The following LRRC74B variants were observed in gnomAD, a reference collection of about 807,000 sequenced individuals.
The protein encoded by LRRC74B is leucine rich repeat containing 74B, also known as leucine-rich repeat-containing protein 74B.
Under a neutral mutation model 16.6 loss-of-function variants are expected in LRRC74B, and 30 were observed. That is an observed-to-expected ratio of 1.80 (90% CI 1.35 to 2.45). The LOEUF is 2.45. LRRC74B is among the 30% of genes most tolerant of loss of function. The probability of loss-of-function intolerance (pLI) is 0.00; values close to 1 mark genes in which losing one functional copy is unlikely to be tolerated. For synonymous variants in LRRC74B, 134 were observed against 86.0 expected (o/e 1.56, Z -3.09); for missense variants, 326 against 202.4 (o/e 1.61, Z -3.71).
In LRRC74B at chr22:21,055,567, C is replaced by T. The variant is rs143917779; in HGVS notation, c.927+391C>T. ...GGTGTTCCCAGCTGGGGTTCCTTCC[C>T]CTGGGTTTGCAGGTGGGGAGGGAGT... is the stretch of plus-strand genomic sequence containing the variant. On this transcript the variant is annotated intron_variant, in intron 7 of 8. Coordinates refer to ENST00000442047, the Ensembl canonical transcript of LRRC74B. Among the ~76,000 whole-genome samples, 29 of 152,298 alleles carry T rather than the reference C, an allele frequency of 1.9e-4. No individual in the cohort carries two copies. In the East Asian group the frequency reaches 5.6e-3, roughly 29 times the overall value.
At chr22:21,057,167 T>C in exon 8 of LRRC74B, 1 of 717,402 alleles carries the variant, frequency 1.4e-6, no homozygotes, top group Non-Finnish European at 2.6e-6. Context: ...TCCAGGACAA[T>C]CCAGCCTCTG....
intron 8 of LRRC74B, 23 bp downstream of exon 8, chr22:21,057,223 G>A (rs961773477): frequency 9.8e-6 from 7 of 716,164 alleles, no homozygotes; most frequent in East Asian, 8.1e-5. Flanking sequence ...TATAAACCTC[G>A]TTTCTGATCC....
exon 2 of LRRC74B, chr22:21,047,361 G>A (rs761738457): frequency 9.8e-6 from 7 of 717,296 alleles, no homozygotes; most frequent in Non-Finnish European, 1.6e-5. Context: ...GCCAGGCACC[G>A]ATGGGCTTGG....
exon 9 of LRRC74B, chr22:21,060,495 C>T (rs1930759608): frequency 1.4e-6 from 1 of 715,448 alleles, no homozygotes; most frequent in African/African-American, 1.7e-5. Context: ...TGCCAGTCTT[C>T]AGATCAGCCC....
rs400102 is a variant in LRRC74B at position 21,048,938 on chromosome 22, T to C, written c.416-13T>C. The C allele has an allele frequency of 6.5e-4, 466 of 715,638 alleles. 1 individual carries two copies. In the African/African-American group the frequency reaches 6.7e-3, roughly 10 times the overall value. The allele number at this position is 715,638 out of a possible 1,614,324, so 44.3% of individuals were successfully genotyped here. On this transcript the variant is annotated splice_polypyrimidine_tract_variant and intron_variant, in intron 3 of 8. Coordinates refer to ENST00000442047, the Ensembl canonical transcript of LRRC74B. ...TTGCATCCCACTGGCCGAGGAGTGG[T>C]TCTGTCCCCCAGATGTGGACCTGTC...
chr22:21,050,661 C>T (rs2148144349), intron 4 of LRRC74B, among the ~76,000 whole-genome samples: 1 of 151,716 alleles, frequency 6.6e-6, no homozygotes, highest in East Asian at 2.0e-4. Context: ...GCCTGTAGTC[C>T]CAGCTACATG....
chr22:21,057,359 G>A (rs1930596326), intron 8 of LRRC74B, among the ~76,000 whole-genome samples, 159 bp downstream of exon 8: 1 of 152,230 alleles, frequency 6.6e-6, no homozygotes. Flanking sequence ...ATGCAGGCAT[G>A]GGGCCACTCA....
chr22:21,048,893 A>G lies in LRRC74B; in HGVS notation c.416-58A>G, dbSNP rs562036047. 138 of 700,122 alleles carry G rather than the reference A, an allele frequency of 2.0e-4. No individual in the cohort carries two copies. The African/African-American group carries it at 2.1e-3, about 11-fold the overall frequency. The allele number at this position is 700,122 out of a possible 1,614,324, so 43.4% of individuals were successfully genotyped here. On this transcript the variant is annotated intron_variant, in intron 3 of 8. Transcript: ENST00000442047. Reference sequence around the variant, plus strand: ...GACCTGGAGGTTTGGGGGATGGCAGAAGTAGGGGAGTGCCTGGCTTTGCAT... The same window carrying G: ...GACCTGGAGGTTTGGGGGATGGCAGGAGTAGGGGAGTGCCTGGCTTTGCAT...
At chr22:21,052,379 C>A in intron 5 of LRRC74B, 21 bp downstream of exon 5, 1 of 717,112 alleles carries the variant, frequency 1.4e-6, no homozygotes, top group South Asian at 1.5e-5. Context: ...CCCACCTAGT[C>A]GGCCCTACAG....
At chr22:21,046,240 G>A (rs1569192358) in intron 1 of LRRC74B, 115 bp downstream of exon 1, 3 of 622,638 alleles carry the variant, frequency 4.8e-6, no homozygotes, top group East Asian at 5.5e-5. Flanking sequence ...CCTGCGGGGC[G>A]CCTCCAGCCC....
chr22:21,048,074 G>A (rs1357189751), intron 3 of LRRC74B, 58 bp downstream of exon 3: 2 of 712,722 alleles, frequency 2.8e-6, no homozygotes, highest in South Asian at 3.0e-5. Flanking sequence ...TCAGGGATGT[G>A]CCTCCATCGT....
chr22:21,052,636 A>T (rs1320101167), intron 5 of LRRC74B, among the ~76,000 whole-genome samples: 5 of 146,062 alleles, frequency 3.4e-5, no homozygotes, highest in African/African-American at 1.0e-4. Flanking sequence ...ACATCTGTGC[A>T]GTCTGGTGAC....
intron 4 of LRRC74B, among the ~76,000 whole-genome samples, chr22:21,050,777 CAA>C (rs71188205): frequency 4.8e-5 from 5 of 104,178 alleles, no homozygotes; most frequent in Admixed American, 1.1e-4. Context: ...GACTCTGTCT[CAA>C]AAAAAAAAAA....
intron 4 of LRRC74B, chr22:21,049,434 C>T (rs1723264589): frequency 2.2e-6 from 1 of 456,614 alleles, no homozygotes; most frequent in African/African-American, 2.0e-5. Context: ...CCTCAAGGGA[C>T]AATGTTAACA....
Position 21,048,035 on chromosome 22 carries a change from G to A in LRRC74B, c.415+19G>A. 9.8e-6 allele frequency: 7 copies of A among 717,082 alleles called. No homozygotes were observed. The highest frequency in any genetic ancestry group is 2.7e-5 in the East Asian group (1 of 37,282). 44.4% of individuals were successfully genotyped at this position (717,082 alleles called of 1,614,324 possible). A position where few individuals can be genotyped will look rare whatever the true frequency, so the allele number is the denominator to read the frequency against. On this transcript the variant is annotated intron_variant, in intron 3 of 8. Coordinates refer to ENST00000442047, the Ensembl canonical transcript of LRRC74B. ...ATCCATGGTAGGTGCTGGGTCTGGGGCAGGTGGGCAGGCGTGTCCTCCTTT... is the reference window on the plus strand; with the variant it reads ...ATCCATGGTAGGTGCTGGGTCTGGGACAGGTGGGCAGGCGTGTCCTCCTTT...
chr22:21,061,122 G>A (rs1336301652), downstream of LRRC74B, among the ~76,000 whole-genome samples: 2 of 152,318 alleles, frequency 1.3e-5, no homozygotes, highest in East Asian at 1.9e-4. Flanking sequence ...GAGGTCAGGA[G>A]TTTGAGACCA....
At chr22:21,061,075 C>A (rs1172592174), downstream of LRRC74B, among the ~76,000 whole-genome samples, 2 of 152,128 alleles carry the variant, frequency 1.3e-5, no homozygotes, top group African/African-American at 2.4e-5. Flanking sequence ...CACTTGTAAT[C>A]CCAGCCCTTT....
chr22:21,059,230 A>G (rs1185231773), intron 8 of LRRC74B, among the ~76,000 whole-genome samples: 1 of 152,224 alleles, frequency 6.6e-6, no homozygotes, highest in Non-Finnish European at 1.5e-5. Context: ...TCTACTAAAA[A>G]TACAAAAATT....
downstream of LRRC74B, among the ~76,000 whole-genome samples, chr22:21,061,271 T>C (rs1930792283): frequency 6.6e-6 from 1 of 151,750 alleles, no homozygotes; most frequent in Admixed American, 6.6e-5. Flanking sequence ...AGGCTGCAGT[T>C]CTCACCATTG....
Sources: allele counts gnomAD v4.1 joint callset (sites outside exome capture counted in the v4.1 genomes callset), GRCh38; gene constraint gnomAD v4.1.1; transcripts MANE v1.5; gene names NCBI Gene and HGNC (gene_info 2026-07-23, HGNC 2026-07-21).